METTL22: variants seen among roughly 807,000 people sequenced by gnomAD.
METTL22 encodes methyltransferase 22, Kin17 lysine, also known as methyltransferase-like protein 22.
A neutral mutation model predicts 48.4 loss-of-function variants in METTL22; 51 were observed. The observed-to-expected ratio is 1.05, with a 90% CI of 0.84 to 1.33. The LOEUF (loss-of-function observed/expected upper bound fraction) is 1.33, where lower values mean the gene tolerates loss of function less well. Ranked by LOEUF, METTL22 falls within the 40% of genes most tolerant of loss-of-function variation. The pLI, the probability that METTL22 is intolerant of heterozygous loss-of-function variation, is 0.00. For missense variants in METTL22, 678 were observed against 526.9 expected (o/e 1.29, Z -2.81); for synonymous variants, 255 against 214.1 (o/e 1.19, Z -1.67).
the METTL22 span, among the ~76,000 whole-genome samples, chr16:8,659,395 A>T: frequency 6.6e-6 from 1 of 152,120 alleles, no homozygotes. Context: ...GAGTCCTGGA[A>T]TGACAGAGCT....
At chr16:8,643,917 ACTGTTCTTACT>A (rs2056701580) in intron 9 of METTL22, among the ~76,000 whole-genome samples, 1 of 152,096 alleles carries the variant, frequency 6.6e-6, no homozygotes. Context: ...CCCAGCATAG[ACTGTTCTTACT>A]CCTGTTGCAT....
the METTL22 span, among the ~76,000 whole-genome samples, chr16:8,660,126 C>T: frequency 6.6e-6 from 1 of 151,592 alleles, no homozygotes; most frequent in East Asian, 1.9e-4. Context: ...CCCTGTAGGA[C>T]ATTAACTGAC....
intron 6 of METTL22, among the ~76,000 whole-genome samples, chr16:8,640,234 G>A (rs558328829): frequency 6.6e-6 from 1 of 152,302 alleles, no homozygotes; most frequent in East Asian, 1.9e-4. Context: ...GAGCTGGGAG[G>A]ATGGAGGGAG....
rs993745551 is a variant in METTL22, at chr16:8,649,505, A to G, written c.*3362A>G. 7 of 152,148 alleles carry G rather than the reference A, an allele frequency of 4.6e-5. No homozygotes were observed. Among genetic ancestry groups the G allele is most frequent in the African/African-American group, 1.7e-4 (7 of 41,426 alleles). 9.4% of individuals were successfully genotyped at this position (152,148 alleles called of 1,614,324 possible). ...TGCATGGGAAAGAACTGTTAAAACCAACAAAGCCAGGCACAGTGGCTCACA... is the reference window on the plus strand; with the variant it reads ...TGCATGGGAAAGAACTGTTAAAACCGACAAAGCCAGGCACAGTGGCTCACA... On this transcript the variant is annotated 3_prime_UTR_variant, in exon 11 of 11. Transcript: ENST00000381920.
At chr16:8,639,272 C>A (rs2056519385) in intron 6 of METTL22, 110 bp downstream of exon 6, 11 of 1,086,606 alleles carry the variant, frequency 1.0e-5, no homozygotes, top group South Asian at 1.0e-4. Flanking sequence ...GTGTCCCTTG[C>A]AGCAGGTGAG....
the METTL22 span, among the ~76,000 whole-genome samples, chr16:8,665,576 G>C: frequency 1.3e-5 from 2 of 152,212 alleles, no homozygotes; most frequent in Non-Finnish European, 2.9e-5. Context: ...GAAACATCTG[G>C]TTAACAAGTA....
At chr16:8,643,662 G>A (rs2056692358) in intron 9 of METTL22, among the ~76,000 whole-genome samples, 1 of 152,158 alleles carries the variant, frequency 6.6e-6, no homozygotes, top group African/African-American at 2.4e-5. Context: ...AGCCCAGGCT[G>A]GAGTGTGATG....
downstream of METTL22, among the ~76,000 whole-genome samples, chr16:8,652,295 C>T (rs1448658492): frequency 6.7e-6 from 1 of 149,484 alleles, no homozygotes; most frequent in Non-Finnish European, 1.5e-5. Context: ...CCCATCTCTA[C>T]CAAAAATACA....
At chr16:8,629,809 T>C (rs1445351061) in intron 3 of METTL22, among the ~76,000 whole-genome samples, 1 of 152,086 alleles carries the variant, frequency 6.6e-6, no homozygotes, top group East Asian at 1.9e-4. Context: ...CCGGGAGCAG[T>C]AGGGAGCTGG....
intron 7 of METTL22, 46 bp from the exon 8 acceptor site, chr16:8,642,081 A>G: frequency 6.8e-7 from 1 of 1,460,160 alleles, no homozygotes; most frequent in Non-Finnish European, 9.6e-7. Flanking sequence ...GTTGGTGGCC[A>G]GGAGAGAAGG....
chr16:8,635,042 A>G lies in METTL22; in HGVS notation c.518A>G (p.His173Arg), dbSNP rs762151239. Residue 173 changes from histidine to arginine, a missense_variant, in exon 4 of 11, where the codon CAC becomes CGC. His to Arg is a conservative substitution (Grantham distance 29). Coordinates refer to ENST00000381920, the MANE Select transcript of METTL22 (RefSeq NM_024109.4). ...GSPHDIIRIE[H>R]TMATPLEDVG... ...TCTTGGTTTCTGTCCCATCCAGAGCACACCATGGCCACGCCCCTGGAGGAT... is the reference window on the plus strand; with the variant it reads ...TCTTGGTTTCTGTCCCATCCAGAGCGCACCATGGCCACGCCCCTGGAGGAT... The G allele has an allele frequency of 1.2e-6, 2 of 1,613,426 alleles. No homozygotes were observed. The highest frequency in any genetic ancestry group is 1.7e-6 in the Non-Finnish European group (2 of 1,180,032).
In METTL22 at chr16:8,647,785, A is replaced by T. The variant is rs765116592; in HGVS notation, c.*1642A>T. ...CCCTCTGGGAGCAAGAAGAAAACCT[A>T]TGCATGTACGTTATTATAAATCTTC... On this transcript the variant is annotated 3_prime_UTR_variant, in exon 11 of 11. Transcript: ENST00000381920. The T allele has an allele frequency of 1.2e-4, 19 of 152,212 alleles. No homozygotes were observed. The allele number at this position is 152,212 out of a possible 1,614,324, so 9.4% of individuals were successfully genotyped here.
At chr16:8,637,248 G>A (rs1188409630) in intron 5 of METTL22, among the ~76,000 whole-genome samples, 2 of 152,202 alleles carry the variant, frequency 1.3e-5, no homozygotes, top group Admixed American at 6.5e-5. Context: ...CTGAGGCACT[G>A]TTTTCAAATA....
At chr16:8,637,879 T>C (rs1431947287) in intron 5 of METTL22, among the ~76,000 whole-genome samples, 3 of 151,922 alleles carry the variant, frequency 2.0e-5, no homozygotes, top group Admixed American at 2.0e-4. Context: ...GGCTAATGCA[T>C]GTAACCCCAG....
At position 8,648,064 on chromosome 16, in the gene METTL22, C is replaced by T. The variant is rs2056835118; in HGVS notation, c.*1921C>T. 1 of 152,276 alleles carries T rather than the reference C, an allele frequency of 6.6e-6. No homozygotes were observed. The highest frequency in any genetic ancestry group is 1.5e-5 in the Non-Finnish European group (1 of 68,072). 9.4% of individuals were successfully genotyped at this position (152,276 alleles called of 1,614,324 possible). A position where few individuals can be genotyped will look rare whatever the true frequency, so the allele number is the denominator to read the frequency against. ...TCAGGCTGAGCATGTTGGCTCACTC[C>T]TGCAATCCCGATACTTTGGGAGGCC... On this transcript the variant is annotated 3_prime_UTR_variant, in exon 11 of 11. Transcript: ENST00000381920.
rs372375431 is a variant in METTL22, at chr16:8,625,811, G to A, written c.133+13G>A. The A allele has an allele frequency of 3.0e-5, 48 of 1,613,150 alleles. No homozygotes were observed. Among genetic ancestry groups the A allele is most frequent in the African/African-American group, 1.9e-4 (14 of 75,006 alleles). ...GTGGGGCAGCCAGGTAAGGTCCTGG[G>A]CCCAGGTGCCCTGCGGATCCTATTT... On this transcript the variant is annotated intron_variant, in intron 2 of 10. Transcript: ENST00000381920.
At chr16:8,659,084 A>T in the METTL22 span, among the ~76,000 whole-genome samples, 5 of 151,932 alleles carry the variant, frequency 3.3e-5, no homozygotes, top group Admixed American at 1.3e-4. Flanking sequence ...TAATCCCAGC[A>T]CTTTGGGAGG....
the METTL22 span, among the ~76,000 whole-genome samples, chr16:8,655,327 T>C: frequency 6.6e-6 from 1 of 152,172 alleles, no homozygotes; most frequent in African/African-American, 2.4e-5. Context: ...CAGGATTCAG[T>C]TCCTCACCTG....
chr16:8,661,006 G>T, the METTL22 span, among the ~76,000 whole-genome samples: 3 of 152,124 alleles, frequency 2.0e-5, no homozygotes, highest in African/African-American at 7.2e-5. Context: ...GATGAGTTTG[G>T]TCTTGGCTTC....
Sources: allele counts gnomAD v4.1 joint callset (sites outside exome capture counted in the v4.1 genomes callset), GRCh38; gene constraint gnomAD v4.1.1; transcripts MANE v1.5; gene names NCBI Gene and HGNC (gene_info 2026-07-23, HGNC 2026-07-21).